Variants in ZNF610 observed in about 807,000 individuals in gnomAD.
ZNF610 encodes the protein zinc finger protein 610, also known as zink finger protein.
Under a neutral mutation model 14.1 loss-of-function variants are expected in ZNF610, and 14 were observed. The ratio of observed to expected loss-of-function variants is 0.99; its 90% CI spans 0.65 to 1.55. ZNF610 has a LOEUF of 1.55. Ranked by LOEUF, ZNF610 falls within the 40% of genes most tolerant of loss-of-function variation. ZNF610 has a pLI of 0.00. For synonymous variants in ZNF610, 185 were observed against 187.6 expected (o/e 0.99, Z 0.11); for missense variants, 530 against 558.0 (o/e 0.95, Z 0.51).
chr19:52,334,139 T>C (rs1163414264), upstream of ZNF610, among the ~76,000 whole-genome samples: 1 of 152,114 alleles, frequency 6.6e-6, no homozygotes, highest in Non-Finnish European at 1.5e-5. Flanking sequence ...CGGGTCAGGG[T>C]ATATGGAACT....
chr19:52,361,264 C>T (rs149952421), intron 5 of ZNF610, among the ~76,000 whole-genome samples: 3 of 151,810 alleles, frequency 2.0e-5, no homozygotes, highest in East Asian at 1.9e-4. Flanking sequence ...CTGCAACCTC[C>T]GCCTCCCAGG....
chr19:52,339,656 A>G (rs1984577279), intron 1 of ZNF610, among the ~76,000 whole-genome samples: 1 of 152,178 alleles, frequency 6.6e-6, no homozygotes, highest in African/African-American at 2.4e-5. Flanking sequence ...TTAGTACAGA[A>G]CAAAATGGAG....
chr19:52,357,021 A>G (rs891106987), intron 5 of ZNF610, among the ~76,000 whole-genome samples: 1 of 152,142 alleles, frequency 6.6e-6, no homozygotes, highest in Non-Finnish European at 1.5e-5. Context: ...GTCACATGCC[A>G]CAGGTTGAGG....
chr19:52,363,126 C>CTTTTTTTTTTT (rs201606200), intron 5 of ZNF610, among the ~76,000 whole-genome samples: 1 of 148,010 alleles, frequency 6.8e-6, no homozygotes, highest in African/African-American at 2.5e-5. Context: ...GGTTCTATCC[C>CTTTTTTTTTTT]CTTTTTTTTT....
intron 5 of ZNF610, among the ~76,000 whole-genome samples, chr19:52,357,562 C>G (rs1472955769): frequency 1.3e-5 from 2 of 148,826 alleles, no homozygotes; most frequent in African/African-American, 2.5e-5. Context: ...GGAGAATGGC[C>G]TGAACCCGGG....
In ZNF610 at chr19:52,367,096, A is replaced by G. The variant is rs1986138086; in HGVS notation, c.*329A>G. On this transcript the variant is annotated 3_prime_UTR_variant, in exon 6 of 6. Coordinates refer to ENST00000403906, the MANE Select transcript of ZNF610 (RefSeq NM_001161425.2). The stretch of plus-strand genomic sequence containing the variant: ...AGAATGTACATACTTCTCATGTTTT[A>G]AGTAATAAAGTTTAAAGTTTTTTTT... 2 of 269,874 alleles carry G rather than the reference A, an allele frequency of 7.4e-6. No individual in the cohort carries two copies. Among genetic ancestry groups the G allele is most frequent in the Non-Finnish European group, 1.3e-5 (2 of 148,460 alleles). 16.7% of individuals were successfully genotyped at this position (269,874 alleles called of 1,614,324 possible).
chr19:52,365,928 A>G lies in ZNF610; in HGVS notation c.550A>G (p.Ile184Val), dbSNP rs1426338774. The G allele has an allele frequency of 1.2e-6, 2 of 1,612,976 alleles. No homozygotes were observed. Among genetic ancestry groups the G allele is most frequent in the South Asian group, 1.1e-5 (1 of 90,822 alleles). Residue 184 changes from isoleucine to valine, a missense_variant, in exon 6 of 6, where the codon ATT becomes GTT. Ile to Val is a conservative substitution (Grantham distance 29). Coordinates refer to ENST00000403906, the MANE Select transcript of ZNF610 (RefSeq NM_001161425.2). ...HIFNKYRNDL[I>V]DFPLLPQEEK... ...TTTTAATAAATATAGAAATGATCTTATTGATTTCCCATTACTCCCACAAGA... is the reference window on the plus strand; with the variant it reads ...TTTTAATAAATATAGAAATGATCTTGTTGATTTCCCATTACTCCCACAAGA...
rs772974911 is a variant in ZNF610, at chr19:52,366,414, T to C, written c.1036T>C (p.Cys346Arg). 3 of 1,614,146 alleles carry C rather than the reference T, an allele frequency of 1.9e-6. No individual in the cohort carries two copies. Among genetic ancestry groups the C allele is most frequent in the East Asian group, 4.5e-5 (2 of 44,880 alleles). ...TCACACGGCGGAAAAACCTTACAAA[T>C]GTAATGAATGTGGCAAGGTCTTTAG... Reference protein sequence around the residue: ...RSHTAEKPYKCNECGKVFSLL... With the variant: ...RSHTAEKPYKRNECGKVFSLL... The change falls in exon 6 of 6, where the codon TGT becomes CGT. Residue 346 changes from cysteine (C) to arginine (R), a missense_variant. Cys to Arg is a radical substitution (Grantham distance 180). Transcript: ENST00000403906.
chr19:52,357,577 G>A (rs1467730399), intron 5 of ZNF610, among the ~76,000 whole-genome samples: 3 of 149,366 alleles, frequency 2.0e-5, no homozygotes, highest in South Asian at 2.1e-4. Context: ...CCCGGGAGGC[G>A]GAGCTTGCAG....
chr19:52,350,573 G>T (rs1179502963), intron 3 of ZNF610, among the ~76,000 whole-genome samples: 3 of 152,210 alleles, frequency 2.0e-5, no homozygotes. Flanking sequence ...AGCTACCACA[G>T]AGGCTGAGAC....
chr19:52,361,991 G>A (rs942995978), intron 5 of ZNF610, among the ~76,000 whole-genome samples: 2 of 152,186 alleles, frequency 1.3e-5, no homozygotes, highest in African/African-American at 2.4e-5. Context: ...TGCAATCATA[G>A]CTCAATTCAA....
At chr19:52,338,674 A>T (rs1432876137) in intron 1 of ZNF610, among the ~76,000 whole-genome samples, 1 of 151,294 alleles carries the variant, frequency 6.6e-6, no homozygotes, top group South Asian at 2.1e-4. Context: ...ACTCTGTCTC[A>T]AAAAAAAAGG....
chr19:52,338,102 A>C (rs1160700820), intron 1 of ZNF610, among the ~76,000 whole-genome samples: 1 of 152,302 alleles, frequency 6.6e-6, no homozygotes, highest in Admixed American at 6.5e-5. Context: ...AACACTATCT[A>C]TGTGGAGTTA....
chr19:52,357,462 G>A (rs1009503144), intron 5 of ZNF610, among the ~76,000 whole-genome samples: 1 of 151,968 alleles, frequency 6.6e-6, no homozygotes, highest in African/African-American at 2.4e-5. Flanking sequence ...TGGCTAACAT[G>A]GTGAAACCCC....
chr19:52,338,964 A>C (rs1189801295), intron 1 of ZNF610, among the ~76,000 whole-genome samples: 4 of 152,024 alleles, frequency 2.6e-5, no homozygotes, highest in African/African-American at 9.7e-5. Flanking sequence ...TTTATTGATC[A>C]CTATCTCTAC....
At chr19:52,363,479 T>C (rs1044186649) in intron 5 of ZNF610, among the ~76,000 whole-genome samples, 6 of 152,186 alleles carry the variant, frequency 3.9e-5, no homozygotes, top group Non-Finnish European at 7.3e-5. Flanking sequence ...TCTACTACTA[T>C]ATCGTGGAGC....
chr19:52,353,772 G>C lies in ZNF610; in HGVS notation c.154G>C (p.Val52Leu). ...TGGACAGAGGGCTTTATACAGGGACGTGATGTTGGAGAACTACAGGAACCT... is the reference window on the plus strand; with the variant it reads ...TGGACAGAGGGCTTTATACAGGGACCTGATGTTGGAGAACTACAGGAACCT... ...DPGQRALYRDVMLENYRNLVF... is the reference protein window; with the variant it reads ...DPGQRALYRDLMLENYRNLVF... The change falls in exon 4 of 6, where the codon GTG (valine) becomes CTG (leucine). Residue 52 changes from valine (V) to leucine (L), a missense_variant. By Grantham distance (32) the Val-to-Leu change is conservative. Coordinates refer to ENST00000403906, the MANE Select transcript of ZNF610 (RefSeq NM_001161425.2). 1 of 1,613,162 alleles carries C rather than the reference G, an allele frequency of 6.2e-7. No individual in the cohort carries two copies.
At chr19:52,361,892 A>G (rs533804580) in intron 5 of ZNF610, among the ~76,000 whole-genome samples, 1 of 151,822 alleles carries the variant, frequency 6.6e-6, no homozygotes, top group African/African-American at 2.4e-5. Context: ...TACTTCATTG[A>G]AGTATAAAGT....
rs718480 is a variant in ZNF610, at chr19:52,353,532, G to A, written c.64-150G>A. ...TTAAAAATACTACATATTTTTGAAT[G>A]TGAACATTTACTAGAGATTGGAATT... On this transcript the variant is annotated intron_variant, in intron 3 of 5. Coordinates refer to ENST00000403906, the MANE Select transcript of ZNF610 (RefSeq NM_001161425.2). 443 of 830,560 alleles carry A rather than the reference G, an allele frequency of 5.3e-4. 2 individuals carry two copies. The African/African-American group carries it at 7.2e-3, about 13-fold the overall frequency. 51.4% of individuals were successfully genotyped at this position (830,560 alleles called of 1,614,324 possible).
Sources: gnomAD v4.1 joint callset for allele counts (sites outside exome capture counted in the v4.1 genomes callset) on GRCh38, gnomAD v4.1.1 for gene constraint, MANE v1.5 for transcripts, NCBI Gene and HGNC (gene_info 2026-07-23, HGNC 2026-07-21) for gene names.